HOMER3: variants seen among roughly 807,000 people sequenced by gnomAD.
The protein encoded by HOMER3 is homer scaffold protein 3, also known as homer protein homolog 3.
In HOMER3, 34 loss-of-function variants were observed where a neutral mutation model predicts 45.5. That is an observed-to-expected ratio of 0.75 (90% CI 0.57 to 1.00). The LOEUF (loss-of-function observed/expected upper bound fraction) is 1.00. HOMER3 is among the 50% of genes least tolerant of loss of function. The pLI, the probability that HOMER3 is intolerant of heterozygous loss-of-function variation, is 0.00. For synonymous variants in HOMER3, 223 were observed against 208.8 expected (o/e 1.07, Z -0.58); for missense variants, 480 against 497.5 (o/e 0.96, Z 0.33).
intron 9 of HOMER3, among the ~76,000 whole-genome samples, chr19:18,930,761 G>A (rs1373183511): frequency 3.3e-5 from 5 of 152,032 alleles, no homozygotes; most frequent in Non-Finnish European, 7.4e-5. Flanking sequence ...TGTAATCCCA[G>A]CACTTTGGGA....
rs1213927532 is a variant in HOMER3, at chr19:18,938,431, CT to C, written c.224del (p.Gln75ArgfsTer25). ...TPNMTFTKTS[Q>X]KFGQWADSRA... ...GACTGTCGGCCCACTGCCCGAACTT[CT>C]GGGAAGTTTTGGTGAAGGTCATGTT... On this transcript the variant is annotated frameshift_variant, in exon 4 of 10. Transcript: ENST00000392351. LOFTEE classifies it high-confidence loss of function. The C allele has an allele frequency of 6.2e-7, 1 of 1,613,996 alleles. No homozygotes were observed. Among genetic ancestry groups the C allele is most frequent in the Non-Finnish European group, 8.5e-7 (1 of 1,179,988 alleles).
At chr19:18,931,752 C>G (rs2057035206) in intron 7 of HOMER3, 127 bp from the exon 8 acceptor site, 11 of 1,483,542 alleles carry the variant, frequency 7.4e-6, no homozygotes, top group Non-Finnish European at 9.8e-6. Flanking sequence ...TTGGTTGGTG[C>G]CACCACCCCC....
intron 1 of HOMER3, chr19:18,939,533 C>G (rs1235395356): frequency 6.5e-6 from 1 of 152,850 alleles, no homozygotes; most frequent in Non-Finnish European, 1.5e-5. Context: ...CTTTCTTTGT[C>G]TAGGGGAAGC....
At chr19:18,930,744 G>A (rs573165411) in intron 9 of HOMER3, among the ~76,000 whole-genome samples, 7 of 149,914 alleles carry the variant, frequency 4.7e-5, no homozygotes, top group South Asian at 4.2e-4. Flanking sequence ...GCACGGTGGC[G>A]CATGTCTGTA....
In HOMER3 at chr19:18,938,395, T is replaced by C; in HGVS notation, c.261A>G (p.Thr87=). Residue 87 remains threonine (T), a synonymous_variant, in exon 4 of 10, where the codon ACA becomes ACG. Coordinates refer to ENST00000392351, the MANE Select transcript of HOMER3 (RefSeq NM_004838.4). The stretch of plus-strand genomic sequence containing the variant: ...CAGAGGCAAAGCCCAGGCCGTAGAC[T>C]GTGTTGGCGCGACTGTCGGCCCACT... ...FGQWADSRAN[T]VYGLGFASEQ... 1.9e-6 allele frequency: 3 copies of C among 1,613,892 alleles called. No individual in the cohort carries two copies. The highest frequency in any genetic ancestry group is 1.7e-6 in the Non-Finnish European group (2 of 1,179,862).
chr19:18,932,276 C>A, intron 6 of HOMER3, 144 bp from the exon 7 acceptor site: 3 of 601,182 alleles, frequency 5.0e-6, no homozygotes, highest in Non-Finnish European at 7.1e-6. Context: ...GAGTCGTGCG[C>A]GAAGTTGGAC....
chr19:18,933,830 G>A lies in HOMER3; in HGVS notation c.411+473C>T, dbSNP rs1225194501. Among the ~76,000 whole-genome samples, 2 of 151,804 alleles carry A rather than the reference G, an allele frequency of 1.3e-5. 1 individual carries two copies. The highest frequency in any genetic ancestry group is 4.8e-5 in the African/African-American group (2 of 41,286). Reference sequence around the variant, plus strand: ...AGCGATTCTCCTGCCTCAGCCTCCCGAGTAGCTGGGACTACAGGCGCATGC... The same window carrying A: ...AGCGATTCTCCTGCCTCAGCCTCCCAAGTAGCTGGGACTACAGGCGCATGC... On this transcript the variant is annotated intron_variant, in intron 5 of 9. Transcript: ENST00000392351.
intron 4 of HOMER3, among the ~76,000 whole-genome samples, chr19:18,936,667 A>G (rs1219262649): frequency 1.4e-5 from 2 of 144,766 alleles, no homozygotes; most frequent in East Asian, 4.0e-4. Context: ...TCTGTCTCCA[A>G]AAAAAAAAAA....
intron 9 of HOMER3, among the ~76,000 whole-genome samples, chr19:18,929,865 G>A (rs2057011524): frequency 6.6e-6 from 1 of 152,114 alleles, no homozygotes; most frequent in South Asian, 2.1e-4. Flanking sequence ...CCAGGCTGGA[G>A]TGCAATGGCG....
At chr19:18,932,527 A>T (rs2057047595) in intron 6 of HOMER3, among the ~76,000 whole-genome samples, 1 of 151,868 alleles carries the variant, frequency 6.6e-6, no homozygotes, top group Admixed American at 6.6e-5. Flanking sequence ...AGTCCCGCAG[A>T]AGCGGGGTCT....
Position 18,929,221 on chromosome 19 carries a change from C to G in HOMER3, c.*222G>C. On this transcript the variant is annotated 3_prime_UTR_variant, in exon 10 of 10. Coordinates refer to ENST00000392351, the MANE Select transcript of HOMER3 (RefSeq NM_004838.4). ...ACACAGCCACGCTTAGAAATGTAAT[C>G]GGGGGATCTAGAAATTCTACACAAT... 1.3e-6 allele frequency: 1 copy of G among 763,806 alleles called. No homozygotes were observed. Among genetic ancestry groups the G allele is most frequent in the Non-Finnish European group, 2.4e-6 (1 of 417,828 alleles). 47.3% of individuals were successfully genotyped at this position (763,806 alleles called of 1,614,324 possible).
Position 18,929,449 on chromosome 19 carries a change from C to G in HOMER3, c.1080G>C (p.Ala360=). 6.3e-7 allele frequency: 1 copy of G among 1,592,732 alleles called. No individual in the cohort carries two copies. Among genetic ancestry groups the G allele is most frequent in the Non-Finnish European group, 8.5e-7 (1 of 1,173,440 alleles). The part of the protein sequence containing the change: ...REGLARLAEA[A]P The stretch of plus-strand genomic sequence containing the variant: ...ATAGAAAACCAGCCCCGGCTCAGGG[C>G]GCAGCCTCAGCCAGGCGGGCCAGGC... The change falls in exon 10 of 10, where the codon GCG becomes GCC. Residue 360 remains alanine (A), a synonymous_variant. Coordinates refer to ENST00000392351, the MANE Select transcript of HOMER3 (RefSeq NM_004838.4).
At chr19:18,931,256 T>A (rs1289028644) in intron 9 of HOMER3, 69 bp downstream of exon 9, 3 of 1,323,910 alleles carry the variant, frequency 2.3e-6, no homozygotes, top group Non-Finnish European at 3.2e-6. Context: ...CTTAGGTAGA[T>A]ATTGTCCTGA....
chr19:18,931,916 C>A, intron 7 of HOMER3, 60 bp downstream of exon 7: 1 of 1,460,566 alleles, frequency 6.8e-7, no homozygotes, highest in African/African-American at 1.4e-5. Context: ...ACTGCCGAGG[C>A]GCGGTCTCCA....
intron 6 of HOMER3, 45 bp downstream of exon 6, chr19:18,932,879 A>AACCCCCCCCCCCCCCCCCCC: frequency 8.8e-6 from 2 of 226,450 alleles, no homozygotes; most frequent in Non-Finnish European, 1.7e-5. Flanking sequence ...CTCGTCCCCC[A>AACCCCCCCCCCCCCCCCCCC]CCCCTACCCC....
At chr19:18,930,328 A>G (rs1185959817) in intron 9 of HOMER3, among the ~76,000 whole-genome samples, 11 of 148,290 alleles carry the variant, frequency 7.4e-5, no homozygotes, top group Non-Finnish European at 1.5e-4. Context: ...CGAGTGGATC[A>G]TAAGGTCAAG....
intron 7 of HOMER3, 113 bp downstream of exon 7, chr19:18,931,863 G>T: frequency 7.0e-7 from 1 of 1,427,216 alleles, no homozygotes; most frequent in Non-Finnish European, 9.2e-7. Flanking sequence ...TCAGTGACCT[G>T]CTGAGGTCAC....
intron 6 of HOMER3, 32 bp from the exon 7 acceptor site, chr19:18,932,164 C>T (rs375487411): frequency 1.3e-5 from 20 of 1,504,522 alleles, no homozygotes; most frequent in Non-Finnish European, 2.7e-6. Context: ...CAGTGGGTGA[C>T]ACGGGGCTGG....
Position 18,938,715 on chromosome 19 carries a change from A to AC in HOMER3, c.171+12dup. The AC allele has an allele frequency of 6.6e-7, 1 of 1,509,806 alleles. No individual in the cohort carries two copies. The highest frequency in any genetic ancestry group is 9.1e-7 in the Non-Finnish European group (1 of 1,099,152). 93.5% of individuals were successfully genotyped at this position (1,509,806 alleles called of 1,614,324 possible). A position where few individuals can be genotyped will look rare whatever the true frequency, so the allele number is the denominator to read the frequency against. The stretch of plus-strand genomic sequence containing the variant: ...CTCCTGGTGCCTCTGCCCCACCCAG[A>AC]CCCCACCCTGACCTTGGCGCCTCCG... On this transcript the variant is annotated intron_variant, in intron 3 of 9. Transcript: ENST00000392351.
Sources: allele counts gnomAD v4.1 joint callset (sites outside exome capture counted in the v4.1 genomes callset), GRCh38; gene constraint gnomAD v4.1.1; transcripts MANE v1.5; gene names NCBI Gene and HGNC (gene_info 2026-07-23, HGNC 2026-07-21).